PP2D1: variants seen among roughly 807,000 people sequenced by gnomAD.
The protein encoded by PP2D1 is protein phosphatase 2C like domain containing 1.
A neutral mutation model predicts 30.2 loss-of-function variants in PP2D1; 25 were observed. The ratio of observed to expected loss-of-function variants is 0.83; its 90% CI spans 0.60 to 1.16. The LOEUF (loss-of-function observed/expected upper bound fraction) is 1.16, where lower values mean the gene tolerates loss of function less well. Among genes scored for constraint, PP2D1 ranks in the 50% most tolerant of loss-of-function variants. The pLI is 0.00. For missense variants in PP2D1, 760 were observed against 742.4 expected (o/e 1.02, Z -0.28); for synonymous variants, 260 against 258.9 (o/e 1.00, Z -0.04).
chr3:20,009,371 G>C (rs533056910), intron 1 of PP2D1, among the ~76,000 whole-genome samples: 16 of 152,074 alleles, frequency 1.1e-4, no homozygotes, highest in Admixed American at 5.2e-4. Flanking sequence ...TGAGCGGGGA[G>C]AATTGCTTGA....
intron 2 of PP2D1, among the ~76,000 whole-genome samples, chr3:19,995,338 A>T (rs1170773572): frequency 2.0e-5 from 3 of 152,232 alleles, no homozygotes; most frequent in Non-Finnish European, 4.4e-5. Flanking sequence ...GAGTAGAGAC[A>T]CATGGGTGGA....
At chr3:19,988,715 C>T (rs1697076207) in intron 2 of PP2D1, among the ~76,000 whole-genome samples, 1 of 152,036 alleles carries the variant, frequency 6.6e-6, no homozygotes, top group African/African-American at 2.4e-5. Flanking sequence ...TGATGTCTCC[C>T]CCGGACACCC....
At chr3:20,003,735 A>T (rs1269985568) in intron 1 of PP2D1, among the ~76,000 whole-genome samples, 2 of 152,054 alleles carry the variant, frequency 1.3e-5, no homozygotes, top group Non-Finnish European at 2.9e-5. Context: ...TGGGTGACAG[A>T]GTGAGACTCC....
rs1168509910 is a variant in PP2D1, at chr3:19,986,048, G to A, written c.1225C>T (p.Leu409Phe). ...AVISSNEPYGLVEGQVKTTRG... is the reference protein window; with the variant it reads ...AVISSNEPYGFVEGQVKTTRG... Reference sequence around the variant, plus strand: ...GTAGTTTTTACTTGCCCCTCTACAAGCCCGTATGGTTCATTTGAACTAATG... The same window carrying A: ...GTAGTTTTTACTTGCCCCTCTACAAACCCGTATGGTTCATTTGAACTAATG... Residue 409 changes from leucine to phenylalanine, a missense_variant, in exon 3 of 3, where the codon CTT (leucine) becomes TTT (phenylalanine). Around this residue, in one of 3 missense-constraint regions of PP2D1, gnomAD observed 369 missense variants for 316.2 expected, o/e 1.17. Transcript: ENST00000389050. 2.0e-6 allele frequency: 3 copies of A among 1,536,034 alleles called. No homozygotes were observed. The highest frequency in any genetic ancestry group is 2.6e-6 in the Non-Finnish European group (3 of 1,146,848).
chr3:19,986,973 G>T (rs567886997), intron 2 of PP2D1, among the ~76,000 whole-genome samples: 1 of 151,512 alleles, frequency 6.6e-6, no homozygotes, highest in South Asian at 2.1e-4. Context: ...GGAGGTGGAG[G>T]TTGTGGTGAG....
chr3:20,002,196 C>T (rs933905607), intron 1 of PP2D1, 100 bp from the exon 2 acceptor site: 61 of 695,374 alleles, frequency 8.8e-5, no homozygotes, highest in Non-Finnish European at 2.9e-5. Context: ...TCCTCACAAT[C>T]TTATATAAGC....
chr3:20,008,475 G>A (rs745597592), intron 1 of PP2D1, among the ~76,000 whole-genome samples: 26 of 152,138 alleles, frequency 1.7e-4, no homozygotes, highest in Non-Finnish European at 3.5e-4. Context: ...GCTGAGGCAG[G>A]AGAATCGTGT....
At position 20,001,498 on chromosome 3, in the gene PP2D1, C is replaced by G. The variant is rs1697252116; in HGVS notation, c.622G>C (p.Asp208His). ...GCCGCTGAGGCACCGTGATGTCCAT[C>G]AAACAAACCAAAAAAACACACATTA... The part of the protein sequence containing the change: ...KPNVCFFGLF[D>H]GHHGASAAEL... The change falls in exon 2 of 3, where the codon GAT becomes CAT. Residue 208 changes from aspartate (D) to histidine (H), a missense_variant. Physicochemically the swap from Asp to His is moderately conservative, Grantham distance 81. Transcript: ENST00000389050. 6.5e-7 allele frequency: 1 copy of G among 1,535,822 alleles called. No individual in the cohort carries two copies. The highest frequency in any genetic ancestry group is 1.4e-5 in the African/African-American group (1 of 73,118).
At chr3:19,992,334 A>C (rs1054955331) in intron 2 of PP2D1, among the ~76,000 whole-genome samples, 2 of 152,172 alleles carry the variant, frequency 1.3e-5, no homozygotes, top group African/African-American at 4.8e-5. Flanking sequence ...AGCATGTGAG[A>C]GTTCCTCAGC....
In PP2D1 at chr3:20,001,295, C is replaced by G. The variant is rs1010817348; in HGVS notation, c.825G>C (p.Val275=). The change falls in exon 2 of 3, where the codon GTG becomes GTC. Residue 275 remains valine, a synonymous_variant. Coordinates refer to ENST00000389050, the MANE Select transcript of PP2D1 (RefSeq NM_001252657.2). ...LFSAINKTEA[V]RCEYEDTHKA... ...TGTGTGTGTCCTCATACTCACACCT[C>G]ACTGCTTCTGTTTTGTTTATGGCAG... is the stretch of plus-strand genomic sequence containing the variant. The G allele has an allele frequency of 1.2e-5, 18 of 1,535,772 alleles. No individual in the cohort carries two copies. The African/African-American group carries it at 2.1e-4, about 18-fold the overall frequency.
intron 1 of PP2D1, chr3:20,007,937 A>G (rs899550235): frequency 4.5e-6 from 1 of 223,310 alleles, no homozygotes; most frequent in African/African-American, 2.3e-5. Context: ...CCTTTCTGCC[A>G]GATGTGGCGC....
downstream of PP2D1, among the ~76,000 whole-genome samples, chr3:19,981,387 T>G (rs148644386): frequency 3.8e-3 from 573 of 152,160 alleles, 5 homozygotes; most frequent in African/African-American, 0.013. Flanking sequence ...AGGCGGGCTA[T>G]CACCTGAGGT....
chr3:19,981,354 A>G (rs1353118048), downstream of PP2D1, among the ~76,000 whole-genome samples: 1 of 152,216 alleles, frequency 6.6e-6, no homozygotes, highest in Non-Finnish European at 1.5e-5. Context: ...CACTACCTGT[A>G]ATCCCAGCAC....
Position 20,001,195 on chromosome 3 carries a change from A to G in PP2D1, c.925T>C (p.Trp309Arg), listed in dbSNP as rs762303591. ...LGRKEVSRVQ[W>R]SGCSAVTCIL... is the part of the protein sequence containing the mutation. ...CAAGTAACTGCAGAGCAGCCACTCC[A>G]TTGAACCCTGGACACTTCTTTTCTT... Residue 309 changes from tryptophan to arginine, a missense_variant, in exon 2 of 3, where the codon TGG becomes CGG. Physicochemically the swap from Trp to Arg is moderately radical, Grantham distance 101. Around this residue, in one of 3 missense-constraint regions of PP2D1, gnomAD observed 374 missense variants for 388.8 expected, o/e 0.96. Transcript: ENST00000389050. 26 of 1,527,844 alleles carry G rather than the reference A, an allele frequency of 1.7e-5. No individual in the cohort carries two copies. In the South Asian group the frequency reaches 2.5e-4, roughly 15 times the overall value. 94.6% of individuals were successfully genotyped at this position (1,527,844 alleles called of 1,614,324 possible).
chr3:19,980,720 C>T (rs1197713741), downstream of PP2D1, among the ~76,000 whole-genome samples: 4 of 152,136 alleles, frequency 2.6e-5, no homozygotes, highest in East Asian at 7.7e-4. Context: ...CAGTGTTCAA[C>T]ATTTCTGGGG....
intron 1 of PP2D1, among the ~76,000 whole-genome samples, chr3:20,010,696 G>C (rs1277884720): frequency 1.3e-5 from 2 of 152,072 alleles, no homozygotes; most frequent in African/African-American, 4.8e-5. Flanking sequence ...CCAGCTACTG[G>C]GGAGGCTGAG....
chr3:19,999,633 C>T (rs1054328273), intron 2 of PP2D1, among the ~76,000 whole-genome samples: 1 of 151,946 alleles, frequency 6.6e-6, no homozygotes, highest in East Asian at 1.9e-4. Flanking sequence ...AGGTGATCCA[C>T]CCACCTCGGC....
chr3:20,005,556 A>C (rs1403616464), intron 1 of PP2D1, among the ~76,000 whole-genome samples: 3 of 152,148 alleles, frequency 2.0e-5, no homozygotes, highest in Non-Finnish European at 2.9e-5. Context: ...TAGAGTAATG[A>C]GGGATGGAGC....
At chr3:20,008,401 C>T (rs533096308) in intron 1 of PP2D1, among the ~76,000 whole-genome samples, 1 of 152,170 alleles carries the variant, frequency 6.6e-6, no homozygotes, top group African/African-American at 2.4e-5. Flanking sequence ...AAATCCGTCT[C>T]TACTAAAAAT....
Sources: gnomAD v4.1 joint callset for allele counts (sites outside exome capture counted in the v4.1 genomes callset) on GRCh38, gnomAD v4.1.1 for gene constraint, gnomAD v4.1.1 regional missense constraint, MANE v1.5 for transcripts, NCBI Gene and HGNC (gene_info 2026-07-23, HGNC 2026-07-21) for gene names.